PPP3CC: variants seen among roughly 807,000 people sequenced by gnomAD.
PPP3CC encodes protein phosphatase 3 catalytic subunit gamma, also known as serine/threonine-protein phosphatase 2B catalytic subunit gamma isoform.
Under a neutral mutation model 60.3 loss-of-function variants are expected in PPP3CC, and 35 were observed. The observed-to-expected ratio is 0.58, with a 90% CI of 0.44 to 0.77. PPP3CC has a LOEUF of 0.77. PPP3CC is among the 30% of genes least tolerant of loss of function. PPP3CC has a pLI of 0.00. For synonymous variants in PPP3CC, 206 were observed against 224.3 expected, an observed-to-expected ratio of 0.92 and a Z score of 0.73; for missense variants, 570 against 628.9, an observed-to-expected ratio of 0.91 and a Z score of 1.00.
chr8:22,502,250 A>C (rs796308406), intron 4 of PPP3CC, among the ~76,000 whole-genome samples: 35 of 152,316 alleles, frequency 2.3e-4, no homozygotes, highest in African/African-American at 8.2e-4. Context: ...AAGATAGTAA[A>C]ATATGGATGC....
chr8:22,451,594 A>G (rs1405207635), intron 1 of PPP3CC, among the ~76,000 whole-genome samples: 1 of 152,172 alleles, frequency 6.6e-6, no homozygotes, highest in Non-Finnish European at 1.5e-5. Context: ...GACATAACCC[A>G]AAGTTTTTTC....
At chr8:22,524,810 A>G (rs975267217) in intron 8 of PPP3CC, among the ~76,000 whole-genome samples, 4 of 152,144 alleles carry the variant, frequency 2.6e-5, no homozygotes, top group Non-Finnish European at 4.4e-5. Context: ...TTTTGTCTCA[A>G]TCTAACCTGG....
chr8:22,511,382 C>G, intron 5 of PPP3CC, 151 bp downstream of exon 5: 1 of 787,376 alleles, frequency 1.3e-6, no homozygotes, highest in Non-Finnish European at 2.0e-6. Flanking sequence ...CTCCGCCTCC[C>G]TGGTTCAGCC....
intron 6 of PPP3CC, among the ~76,000 whole-genome samples, chr8:22,516,397 G>A (rs185813148): frequency 3.9e-5 from 6 of 152,218 alleles, no homozygotes; most frequent in Admixed American, 2.0e-4. Context: ...CATCAACTTG[G>A]CAATATCTTT....
In PPP3CC at chr8:22,528,448, A is replaced by C. The variant is rs75569939; in HGVS notation, c.1070-58A>C. On this transcript the variant is annotated intron_variant, in intron 9 of 13. Coordinates refer to ENST00000240139, the MANE Select transcript of PPP3CC (RefSeq NM_005605.5). ...GTGTGTTTATTTAGATATCCACATT[A>C]TTTTAGAGAAAGTACCTCATTAATC... The C allele has an allele frequency of 7.7e-3, 9,152 of 1,189,512 alleles. 44 individuals are homozygous for C. The highest frequency in any genetic ancestry group is 9.0e-3 in the Non-Finnish European group (7,709 of 860,672). The allele number at this position is 1,189,512 out of a possible 1,614,324, so 73.7% of individuals were successfully genotyped here.
rs571504270 is a variant in PPP3CC at position 22,530,570 on chromosome 8, C to G, written c.1142-1655C>G. ...AGAATGGGCCGGGCATAGTGGCTCACGCCTGTAATCTCAGCACTTTGGGAG... is the reference window on the plus strand; with the variant it reads ...AGAATGGGCCGGGCATAGTGGCTCAGGCCTGTAATCTCAGCACTTTGGGAG... On this transcript the variant is annotated intron_variant, in intron 10 of 13. Transcript: ENST00000240139. 3.3e-5 allele frequency among the ~76,000 whole-genome samples: 5 copies of G among 151,674 alleles called. No individual in the cohort carries two copies. In the East Asian group the frequency reaches 9.7e-4, roughly 29 times the overall value.
chr8:22,451,638 C>T (rs1214551706), intron 1 of PPP3CC, among the ~76,000 whole-genome samples: 3 of 152,194 alleles, frequency 2.0e-5, no homozygotes, highest in Non-Finnish European at 2.9e-5. Context: ...CTCCCAGCCC[C>T]CTTCGGTTGT....
intron 1 of PPP3CC, among the ~76,000 whole-genome samples, chr8:22,464,304 C>G (rs535568304): frequency 1.1e-4 from 17 of 152,168 alleles, no homozygotes; most frequent in African/African-American, 4.1e-4. Flanking sequence ...AGGACTAAAG[C>G]TTTGTTTTAC....
At chr8:22,473,245 T>A (rs1293366648) in intron 1 of PPP3CC, among the ~76,000 whole-genome samples, 2 of 152,152 alleles carry the variant, frequency 1.3e-5, no homozygotes, top group African/African-American at 4.8e-5. Flanking sequence ...ACGCCTCCTT[T>A]TAAATTTATG....
At chr8:22,509,947 A>G (rs1476441348) in intron 4 of PPP3CC, among the ~76,000 whole-genome samples, 1 of 151,426 alleles carries the variant, frequency 6.6e-6, no homozygotes, top group Non-Finnish European at 1.5e-5. Context: ...GCACTTTGGG[A>G]GGCCAAGGCA....
chr8:22,453,165 A>G (rs1369226477), intron 1 of PPP3CC, among the ~76,000 whole-genome samples: 1 of 152,214 alleles, frequency 6.6e-6, no homozygotes, highest in Admixed American at 6.5e-5. Flanking sequence ...TAAAGATTAC[A>G]TCTCATATTG....
intron 3 of PPP3CC, among the ~76,000 whole-genome samples, chr8:22,492,053 T>A (rs1188685683): frequency 1.3e-5 from 2 of 152,068 alleles, no homozygotes; most frequent in African/African-American, 4.8e-5. Flanking sequence ...TGTTGTGAAA[T>A]CATCATAGAG....
rs1050992170 is a variant in PPP3CC at position 22,519,332 on chromosome 8, C to T, written c.771-3159C>T. 3.3e-5 allele frequency among the ~76,000 whole-genome samples: 5 copies of T among 152,168 alleles called. No individual in the cohort carries two copies. In the South Asian group the frequency reaches 6.2e-4, roughly 19 times the overall value. Reference sequence around the variant, plus strand: ...GTTGGGTCTTGTTTTCATCCATTCACTCATACTATATCTTTTGATTTGAGA... The same window carrying T: ...GTTGGGTCTTGTTTTCATCCATTCATTCATACTATATCTTTTGATTTGAGA... On this transcript the variant is annotated intron_variant, in intron 6 of 13. Coordinates refer to ENST00000240139, the MANE Select transcript of PPP3CC (RefSeq NM_005605.5).
chr8:22,475,425 G>A, intron 2 of PPP3CC, 75 bp from the exon 3 acceptor site: 3 of 1,460,756 alleles, frequency 2.1e-6, no homozygotes, highest in Non-Finnish European at 2.8e-6. Context: ...AAGTTAAACT[G>A]TGATCCCTTT....
chr8:22,539,709 G>GT (rs1234676827), intron 13 of PPP3CC, among the ~76,000 whole-genome samples: 6 of 152,008 alleles, frequency 3.9e-5, no homozygotes, highest in Non-Finnish European at 7.4e-5. Flanking sequence ...CACAGCTACA[G>GT]TTTTTTTTCT....
chr8:22,516,594 T>C (rs1468709141), intron 6 of PPP3CC, among the ~76,000 whole-genome samples: 1 of 152,228 alleles, frequency 6.6e-6, no homozygotes, highest in African/African-American at 2.4e-5. Flanking sequence ...GAATGTAGTG[T>C]GCAATGCAAC....
Position 22,528,542 on chromosome 8 carries a change from C to G in PPP3CC, c.1106C>G (p.Ser369Cys), listed in dbSNP as rs1394552944. 4 of 1,565,940 alleles carry G rather than the reference C, an allele frequency of 2.6e-6. No individual in the cohort carries two copies. The highest frequency in any genetic ancestry group is 3.5e-6 in the Non-Finnish European group (4 of 1,152,104). ...CTGGTAAATGTGCTCAACATATGCT[C>G]TGATGACGAACTGATTTCTGATGAT... ...EMLVNVLNIC[S>C]DDELISDDEA... is the part of the protein sequence containing the mutation. Residue 369 changes from serine (S) to cysteine (C), a missense_variant, in exon 10 of 14, where the codon TCT becomes TGT. Physicochemically the swap from Ser to Cys is moderately radical, Grantham distance 112. Transcript: ENST00000240139.
chr8:22,539,473 A>G lies in PPP3CC; in HGVS notation c.1326A>G (p.Thr442=), dbSNP rs780322002. The G allele has an allele frequency of 1.7e-5, 28 of 1,614,080 alleles. No homozygotes were observed. Among genetic ancestry groups the G allele is most frequent in the Middle Eastern group, 1.7e-4 (1 of 6,056 alleles). ...SGGKQTIETA[T]VEAVEAREAI... The stretch of plus-strand genomic sequence containing the variant: ...ACTGCTCCTGCCCTCTTACAGCCAC[A>G]GTAGAAGCGGTAGAGGCCCGGGAAG... The change falls in exon 13 of 14, where the codon ACA becomes ACG. Residue 442 remains threonine, a synonymous_variant. Transcript: ENST00000240139.
intron 4 of PPP3CC, among the ~76,000 whole-genome samples, chr8:22,504,252 G>A (rs1266672722): frequency 6.6e-6 from 1 of 152,026 alleles, no homozygotes; most frequent in Admixed American, 6.6e-5. Flanking sequence ...CAGGGTAACT[G>A]CAGTATCCAT....
Sources: gnomAD v4.1 joint callset for allele counts (sites outside exome capture counted in the v4.1 genomes callset) on GRCh38, gnomAD v4.1.1 for gene constraint, MANE v1.5 for transcripts, NCBI Gene and HGNC (gene_info 2026-07-23, HGNC 2026-07-21) for gene names.